The following GALNT10 variants were observed in gnomAD, a reference collection of about 807,000 sequenced individuals.
GALNT10 encodes polypeptide N-acetylgalactosaminyltransferase 10, also known as GalNAc transferase 10.
A neutral mutation model predicts 75.0 loss-of-function variants in GALNT10; 41 were observed. That is an observed-to-expected ratio of 0.55 (90% CI 0.43 to 0.71). GALNT10 has a LOEUF of 0.71. Among genes scored for constraint, GALNT10 ranks in the 30% least tolerant of loss-of-function variants. GALNT10 has a pLI of 0.00. For missense variants in GALNT10, 727 were observed against 818.5 expected (o/e 0.89, Z 1.36); for synonymous variants, 302 against 313.0 (o/e 0.96, Z 0.37).
At chr5:154,261,937 T>G (rs778559927) in intron 1 of GALNT10, among the ~76,000 whole-genome samples, 6 of 152,152 alleles carry the variant, frequency 3.9e-5, no homozygotes, top group Admixed American at 6.6e-5. Flanking sequence ...AAAATGGGAA[T>G]GATAACATCT....
At chr5:154,222,020 C>T (rs1752987312) in intron 1 of GALNT10, among the ~76,000 whole-genome samples, 1 of 151,892 alleles carries the variant, frequency 6.6e-6, no homozygotes, top group Non-Finnish European at 1.5e-5. Context: ...GCAACTTGAT[C>T]AATTTTAACA....
intron 1 of GALNT10, among the ~76,000 whole-genome samples, chr5:154,245,983 A>C (rs1386463526): frequency 5.6e-5 from 7 of 124,956 alleles, no homozygotes; most frequent in Non-Finnish European, 9.9e-5. Context: ...AACAGGCCCC[A>C]GAGTGTGATG....
intron 8 of GALNT10, among the ~76,000 whole-genome samples, chr5:154,406,680 C>T (rs1265030138): frequency 6.6e-6 from 1 of 152,058 alleles, no homozygotes; most frequent in Non-Finnish European, 1.5e-5. Flanking sequence ...GCCTGTAATA[C>T]CAGCTACTAG....
chr5:154,232,445 T>C (rs1037512210), intron 1 of GALNT10, among the ~76,000 whole-genome samples: 6 of 152,296 alleles, frequency 3.9e-5, no homozygotes, highest in Middle Eastern at 6.8e-3. Context: ...GAGAAAACCA[T>C]ATATAGCCTT....
intron 1 of GALNT10, among the ~76,000 whole-genome samples, chr5:154,217,137 G>C (rs1001557301): frequency 6.6e-6 from 1 of 152,090 alleles, no homozygotes; most frequent in Non-Finnish European, 1.5e-5. Context: ...CTCAACCTCT[G>C]AGGTCAGGCA....
At chr5:154,343,702 A>G (rs909157097) in intron 4 of GALNT10, among the ~76,000 whole-genome samples, 1 of 152,100 alleles carries the variant, frequency 6.6e-6, no homozygotes, top group Non-Finnish European at 1.5e-5. Context: ...CATCCCATCA[A>G]TTCTGGGGGG....
intron 1 of GALNT10, among the ~76,000 whole-genome samples, chr5:154,293,613 A>ATATATATATATATATTTTTTTTTTTTTT: frequency 2.7e-5 from 3 of 109,412 alleles, no homozygotes; most frequent in African/African-American, 1.3e-4. Context: ...ATATATATAT[A>ATATATATATATATATTTTTTTTTTTTTT]TTTTTTTTTT....
intron 1 of GALNT10, among the ~76,000 whole-genome samples, chr5:154,279,494 G>T (rs112580449): frequency 0.18 from 26,712 of 151,574 alleles, 2,458 homozygotes; most frequent in African/African-American, 0.21. Context: ...GTAGAGACGG[G>T]GTTTCACCAT....
chr5:154,393,969 A>C (rs1314683234), intron 7 of GALNT10, among the ~76,000 whole-genome samples: 1 of 152,224 alleles, frequency 6.6e-6, no homozygotes, highest in African/African-American at 2.4e-5. Context: ...TGCACAAGTC[A>C]GCAGTGCAGA....
At chr5:154,248,968 C>T (rs1209266862) in intron 1 of GALNT10, among the ~76,000 whole-genome samples, 1 of 152,228 alleles carries the variant, frequency 6.6e-6, no homozygotes, top group Non-Finnish European at 1.5e-5. Context: ...TATGGAGATA[C>T]TAGAAATGGC....
chr5:154,312,660 TC>T (rs926463907), intron 3 of GALNT10, among the ~76,000 whole-genome samples: 2 of 152,212 alleles, frequency 1.3e-5, no homozygotes, highest in Non-Finnish European at 2.9e-5. Flanking sequence ...CATTTCCAGG[TC>T]CTTGCTTCTG....
At chr5:154,201,798 G>A (rs967394512) in intron 1 of GALNT10, among the ~76,000 whole-genome samples, 12 of 152,124 alleles carry the variant, frequency 7.9e-5, no homozygotes, top group East Asian at 5.8e-4. Context: ...GTGTAGTGGC[G>A]CACTCCTGTA....
At chr5:154,320,092 A>G (rs1010700022) in intron 3 of GALNT10, among the ~76,000 whole-genome samples, 2 of 152,238 alleles carry the variant, frequency 1.3e-5, no homozygotes, top group Non-Finnish European at 2.9e-5. Flanking sequence ...CTAAGCTGGG[A>G]CCAAACTAAT....
At chr5:154,388,943 A>C (rs950676601) in intron 7 of GALNT10, 33 of 148,788 alleles carry the variant, frequency 2.2e-4, no homozygotes, top group African/African-American at 8.1e-4. Context: ...GGGGAGGGAG[A>C]GAGGGAGGGG....
chr5:154,201,872 T>A (rs1775032856), intron 1 of GALNT10, among the ~76,000 whole-genome samples: 1 of 151,488 alleles, frequency 6.6e-6, no homozygotes, highest in African/African-American at 2.4e-5. Context: ...GAGGTTGCAG[T>A]GAGCTGAGAT....
chr5:154,224,425 T>C (rs1184506685), intron 1 of GALNT10, among the ~76,000 whole-genome samples: 1 of 152,242 alleles, frequency 6.6e-6, no homozygotes, highest in East Asian at 1.9e-4. Context: ...TCCTCGTCCA[T>C]CTGTATTTTG....
chr5:154,295,005 TGTG>T (rs1194894581), intron 2 of GALNT10, 87 bp downstream of exon 2: 3 of 612,194 alleles, frequency 4.9e-6, no homozygotes, highest in African/African-American at 3.7e-5. Context: ...TGTGTGTGTG[TGTG>T]TTCATGTGTG....
intron 4 of GALNT10, among the ~76,000 whole-genome samples, chr5:154,355,614 C>A (rs1301868278): frequency 6.6e-6 from 1 of 152,078 alleles, no homozygotes; most frequent in Admixed American, 6.5e-5. Context: ...CATTGCATGT[C>A]AAAGAAAGAA....
At chr5:154,382,071 C>T (rs928377672) in intron 6 of GALNT10, among the ~76,000 whole-genome samples, 6 of 152,212 alleles carry the variant, frequency 3.9e-5, no homozygotes, top group Non-Finnish European at 8.8e-5. Context: ...TTCAGTGAAC[C>T]ACATTTCTCT....
Sources: gnomAD v4.1 joint callset for allele counts (sites outside exome capture counted in the v4.1 genomes callset) on GRCh38, gnomAD v4.1.1 for gene constraint, MANE v1.5 for transcripts, NCBI Gene and HGNC (gene_info 2026-07-23, HGNC 2026-07-21) for gene names.